RHCE: variants seen among roughly 807,000 people sequenced by gnomAD.
The protein encoded by RHCE is Rh blood group CcEe antigens.
RHCE carries 22 observed loss-of-function variants against 43.8 expected under a neutral mutation model. The observed-to-expected ratio is 0.50, with a 90% confidence interval of 0.36 to 0.72. The LOEUF (loss-of-function observed/expected upper bound fraction) is 0.72, where lower values mean the gene tolerates loss of function less well. Ranked by LOEUF, RHCE falls within the 30% of genes least tolerant of loss-of-function variation. RHCE has a pLI of 0.00. For missense variants in RHCE, 385 were observed against 525.4 expected (o/e 0.73, Z 2.61); for synonymous variants, 156 against 210.7 (o/e 0.74, Z 2.25).
chr1:25,386,543 G>A (rs559308911), intron 6 of RHCE, among the ~76,000 whole-genome samples: 26 of 152,264 alleles, frequency 1.7e-4, no homozygotes, highest in Non-Finnish European at 2.5e-4. Context: ...AATCCAGGTC[G>A]GGCACGGTGG....
intron 7 of RHCE, among the ~76,000 whole-genome samples, chr1:25,379,481 ATATATATATATATATTTTTTTTTTTTT>A (rs1401812439): frequency 0.015 from 271 of 17,928 alleles, 11 homozygotes; most frequent in African/African-American, 0.067. Flanking sequence ...ATATATATAT[ATATATATATATATATTTTTTTTTTTTT>A]TTTTTTTTTT....
In RHCE at chr1:25,384,460, T is replaced by C. The variant is rs1339018675; in HGVS notation, c.1073+1251A>G. 3.9e-5 allele frequency among the ~76,000 whole-genome samples: 6 copies of C among 152,078 alleles called. 1 individual carries two copies. In the East Asian group the frequency reaches 7.7e-4, roughly 20 times the overall value. On this transcript the variant is annotated intron_variant, in intron 7 of 9. Transcript: ENST00000294413. ...CTGAGTAGGACCTTGCTAGGTCAAG[T>C]CCTCATCTTACAGAGGGGAACTCTC... is the stretch of plus-strand genomic sequence containing the variant.
At chr1:25,428,536 T>C (rs1257343737) in intron 2 of RHCE, among the ~76,000 whole-genome samples, 1 of 152,208 alleles carries the variant, frequency 6.6e-6, no homozygotes, top group Non-Finnish European at 1.5e-5. Flanking sequence ...ACTTGATCAA[T>C]ATACTGAAGT....
intron 7 of RHCE, among the ~76,000 whole-genome samples, chr1:25,383,962 T>C (rs1646073782): frequency 6.6e-6 from 1 of 152,206 alleles, no homozygotes; most frequent in African/African-American, 2.4e-5. Context: ...AGCAAACCAC[T>C]GATTGGCTTT....
In RHCE at chr1:25,391,790, T is replaced by C. The variant is rs868227443; in HGVS notation, c.634+204A>G. On this transcript the variant is annotated intron_variant, in intron 4 of 9. Coordinates refer to ENST00000294413, the MANE Select transcript of RHCE (RefSeq NM_020485.8). ...ATGAGTCTCTCCTTTCTAGTGGATA[T>C]TAATGAAGAGAGGTCCCTAAAAGGA... Among the ~76,000 whole-genome samples the C allele has an allele frequency of 3.9e-5, 6 of 152,292 alleles. No individual in the cohort carries two copies. The South Asian group carries it at 1.2e-3, about 32-fold the overall frequency.
chr1:25,402,206 G>GTCTA (rs56985100), intron 3 of RHCE, among the ~76,000 whole-genome samples: 8,927 of 130,354 alleles, frequency 0.068, 367 homozygotes, highest in Admixed American at 0.12. Flanking sequence ...CTGTCTGTCT[G>GTCTA]TCTATCTATC....
intron 7 of RHCE, among the ~76,000 whole-genome samples, chr1:25,379,481 ATATATATATATATATTT>A (rs1255391552): frequency 5.9e-3 from 105 of 17,720 alleles, no homozygotes; most frequent in Non-Finnish European, 8.6e-3. Context: ...ATATATATAT[ATATATATATATATATTT>A]TTTTTTTTTT....
intron 3 of RHCE, among the ~76,000 whole-genome samples, chr1:25,401,970 G>A (rs757830816): frequency 5.9e-5 from 9 of 151,920 alleles, no homozygotes; most frequent in Non-Finnish European, 1.0e-4. Context: ...TCCACCCTCC[G>A]GGTTCAAGCG....
intron 8 of RHCE, among the ~76,000 whole-genome samples, chr1:25,374,464 G>A (rs1472689128): frequency 6.6e-6 from 1 of 151,882 alleles, no homozygotes; most frequent in Non-Finnish European, 1.5e-5. Flanking sequence ...CTATTGTATT[G>A]CAAGAACAGA....
At chr1:25,420,007 C>T (rs1350191950) in intron 1 of RHCE, among the ~76,000 whole-genome samples, 2 of 142,326 alleles carry the variant, frequency 1.4e-5, no homozygotes, top group African/African-American at 3.0e-5. Context: ...GGGAGACCCA[C>T]ATCTCTACCA....
At chr1:25,406,254 T>TGCGTGCGTGC (rs1557634193) in intron 2 of RHCE, among the ~76,000 whole-genome samples, 1 of 82,170 alleles carries the variant, frequency 1.2e-5, no homozygotes, top group Non-Finnish European at 2.3e-5. Context: ...TGCGTGCGTG[T>TGCGTGCGTGC]GTGTGTGTGT....
At chr1:25,420,176 T>C (rs2042728790) in intron 1 of RHCE, among the ~76,000 whole-genome samples, 1 of 152,012 alleles carries the variant, frequency 6.6e-6, no homozygotes, top group African/African-American at 2.4e-5. Flanking sequence ...AGTGAGACCC[T>C]GTCTCAAAAA....
upstream of RHCE, among the ~76,000 whole-genome samples, chr1:25,424,657 G>A (rs1012960424): frequency 6.6e-6 from 1 of 151,894 alleles, no homozygotes; most frequent in African/African-American, 2.4e-5. Context: ...CAAAGTGCTG[G>A]GATTATAAGT....
intron 1 of RHCE, among the ~76,000 whole-genome samples, chr1:25,429,743 G>A (rs1403982278): frequency 6.6e-6 from 1 of 152,072 alleles, no homozygotes; most frequent in African/African-American, 2.4e-5. Flanking sequence ...CTGTATTTGT[G>A]TTAATGTGAT....
intron 3 of RHCE, among the ~76,000 whole-genome samples, chr1:25,396,544 G>A (rs1646542624): frequency 6.6e-6 from 1 of 152,204 alleles, no homozygotes; most frequent in Non-Finnish European, 1.5e-5. Context: ...GGCATGGCCG[G>A]AGAGGCCTCA....
Position 25,402,961 on chromosome 1 carries a change from C to G in RHCE, c.336-215G>C, listed in dbSNP as rs568207779. On this transcript the variant is annotated intron_variant, in intron 2 of 9. Coordinates refer to ENST00000294413, the MANE Select transcript of RHCE (RefSeq NM_020485.8). ...GCCTCTGCACCCTGAGCCATGTGGT[C>G]TGGCAGATGACTTAACCACTCTGTG... Among the ~76,000 whole-genome samples the G allele has an allele frequency of 2.0e-3, 307 of 151,960 alleles. 3 individuals carry two copies. Among genetic ancestry groups the G allele is most frequent in the Non-Finnish European group, 1.0e-3 (70 of 67,948 alleles).
intron 1 of RHCE, among the ~76,000 whole-genome samples, chr1:25,415,870 A>G (rs1647372754): frequency 6.6e-6 from 1 of 151,796 alleles, no homozygotes; most frequent in Non-Finnish European, 1.5e-5. Context: ...GCACAGAAGA[A>G]TCACCCAGAG....
intron 1 of RHCE, among the ~76,000 whole-genome samples, chr1:25,410,348 T>C (rs1291662889): frequency 3.3e-5 from 5 of 152,304 alleles, no homozygotes; most frequent in African/African-American, 4.8e-5. Context: ...ATTTTTTTTT[T>C]CCCATCATGA....
chr1:25,385,895 C>G (rs1228322077), intron 6 of RHCE, 51 bp from the exon 7 acceptor site: 2 of 1,613,676 alleles, frequency 1.2e-6, no homozygotes, highest in African/African-American at 1.3e-5. Context: ...CCCATATTCC[C>G]TACCCACCCC....
Sources: gnomAD v4.1 joint callset for allele counts (sites outside exome capture counted in the v4.1 genomes callset) on GRCh38, gnomAD v4.1.1 for gene constraint, MANE v1.5 for transcripts, NCBI Gene and HGNC (gene_info 2026-07-23, HGNC 2026-07-21) for gene names.